MALL: variants seen among roughly 807,000 people sequenced by gnomAD.
MALL encodes the protein MAL-like protein.
A neutral mutation model predicts 10.3 loss-of-function variants in MALL; 2 were observed. That is an observed-to-expected ratio of 0.19 (90% CI 0.08 to 0.61). The LOEUF (loss-of-function observed/expected upper bound fraction) is 0.61, where lower values mean the gene tolerates loss of function less well. MALL is among the 20% of genes least tolerant of loss of function. The pLI is 0.88. For missense variants in MALL, 39 were observed against 115.2 expected, an observed-to-expected ratio of 0.34 and a Z score of 3.03; for synonymous variants, 27 against 51.8, an observed-to-expected ratio of 0.52 and a Z score of 2.05.
chr2:110,101,178 C>T (rs914498784), intron 1 of MALL, among the ~76,000 whole-genome samples: 4 of 152,120 alleles, frequency 2.6e-5, no homozygotes, highest in Non-Finnish European at 5.9e-5. Context: ...CTCCTTTGTG[C>T]TTCGAATACA....
At chr2:110,104,182 A>G (rs1441007503) in intron 1 of MALL, among the ~76,000 whole-genome samples, 2 of 152,120 alleles carry the variant, frequency 1.3e-5, no homozygotes, top group African/African-American at 4.8e-5. Flanking sequence ...GAGCATCAGC[A>G]TCGCTGCCCC....
At chr2:110,097,354 C>T (rs1678467150) in intron 1 of MALL, 1 of 414,246 alleles carries the variant, frequency 2.4e-6, no homozygotes, top group African/African-American at 2.1e-5. Flanking sequence ...GAATGTAGGA[C>T]CCTGTTCACG....
chr2:110,115,737 C>A lies in MALL; in HGVS notation c.56G>T (p.Gly19Val). The change falls in exon 1 of 4, where the codon GGG becomes GTG. Residue 19 changes from glycine to valine, a missense_variant. Around this residue, in one of 2 missense-constraint regions of MALL, gnomAD observed 39 missense variants for 48.0 expected, o/e 0.81. Transcript: ENST00000272462. The stretch of plus-strand genomic sequence containing the variant: ...AGGGATGGTGAGGAACAGCGCGACC[C>A]CCGAGGGCACGTCGGACGGGGCGTA... ...TSYAPSDVPS[G>V]VALFLTIPFA... The A allele has an allele frequency of 7.7e-7, 1 of 1,292,338 alleles. No homozygotes were observed. Among genetic ancestry groups the A allele is most frequent in the Non-Finnish European group, 9.9e-7 (1 of 1,012,634 alleles). The allele number at this position is 1,292,338 out of a possible 1,614,324, so 80.1% of individuals were successfully genotyped here. A position where few individuals can be genotyped will look rare whatever the true frequency, so the allele number is the denominator to read the frequency against.
intron 1 of MALL, among the ~76,000 whole-genome samples, chr2:110,103,177 A>G (rs1678610715): frequency 6.6e-6 from 1 of 152,126 alleles, no homozygotes; most frequent in Admixed American, 6.5e-5. Context: ...GTTTGTGGCC[A>G]GGGGACAGGA....
intron 1 of MALL, among the ~76,000 whole-genome samples, chr2:110,104,151 G>A (rs931593574): frequency 3.3e-5 from 5 of 152,166 alleles, no homozygotes; most frequent in African/African-American, 1.2e-4. Context: ...GCAAGACAGA[G>A]ACAGCTTCAT....
intron 1 of MALL, among the ~76,000 whole-genome samples, chr2:110,114,931 A>G (rs1221573054): frequency 1.3e-5 from 2 of 152,002 alleles, no homozygotes; most frequent in African/African-American, 4.8e-5. Context: ...TTCCGAGGGA[A>G]CTTGTGCAGT....
upstream of MALL, chr2:110,116,132 T>C (rs1574039956): frequency 1.3e-5 from 3 of 234,174 alleles, no homozygotes; most frequent in African/African-American, 6.8e-5. Flanking sequence ...GGGCCCAGAG[T>C]GTAGGCCCAA....
chr2:110,106,378 G>T (rs1678696551), intron 1 of MALL, among the ~76,000 whole-genome samples: 5 of 152,038 alleles, frequency 3.3e-5, no homozygotes, highest in Admixed American at 3.3e-4. Flanking sequence ...GCAGGGCACG[G>T]GTGTGAGCCG....
intron 1 of MALL, among the ~76,000 whole-genome samples, chr2:110,104,555 C>T (rs983325825): frequency 6.6e-6 from 1 of 152,146 alleles, no homozygotes; most frequent in East Asian, 1.9e-4. Flanking sequence ...TCTTTATGTA[C>T]CCTGACTTTA....
intron 1 of MALL, among the ~76,000 whole-genome samples, chr2:110,098,140 C>T (rs775138004): frequency 6.6e-6 from 1 of 151,794 alleles, no homozygotes; most frequent in Non-Finnish European, 1.5e-5. Flanking sequence ...CTCGCATTCA[C>T]GTATGCAGAG....
chr2:110,107,031 T>A (rs1194837379), intron 1 of MALL, among the ~76,000 whole-genome samples: 1 of 148,810 alleles, frequency 6.7e-6, no homozygotes, highest in East Asian at 2.0e-4. Flanking sequence ...ATTGTAGGAA[T>A]GAAATTTGTG....
At chr2:110,096,710 TACAC>T (rs61332655) in intron 1 of MALL, among the ~76,000 whole-genome samples, 8,918 of 140,880 alleles carry the variant, frequency 0.063, 335 homozygotes, top group South Asian at 0.11. Flanking sequence ...AAAATGTACC[TACAC>T]ACACACACAC....
chr2:110,108,786 A>C (rs1436930882), intron 1 of MALL, among the ~76,000 whole-genome samples: 1 of 152,220 alleles, frequency 6.6e-6, no homozygotes, highest in Non-Finnish European at 1.5e-5. Flanking sequence ...AAGAGCTGTG[A>C]GACAAAAGCA....
intron 1 of MALL, among the ~76,000 whole-genome samples, chr2:110,114,475 G>A (rs754527183): frequency 2.6e-5 from 4 of 151,774 alleles, no homozygotes; most frequent in Non-Finnish European, 5.9e-5. Context: ...GCACACCCAG[G>A]GCCTGGCACG....
At chr2:110,110,398 C>T (rs1444079252) in intron 1 of MALL, among the ~76,000 whole-genome samples, 1 of 152,024 alleles carries the variant, frequency 6.6e-6, no homozygotes. Context: ...TTACAACTGA[C>T]ACCACCAAAA....
chr2:110,118,127 G>C (rs1678959515), upstream of MALL, among the ~76,000 whole-genome samples: 1 of 150,592 alleles, frequency 6.6e-6, no homozygotes, highest in Admixed American at 6.6e-5. Context: ...GTCCAGGGCT[G>C]TTAATTGCAT....
Position 110,115,716 on chromosome 2 carries a change from A to C in MALL, c.77T>G (p.Ile26Ser), listed in dbSNP as rs762996235. ...VPSGVALFLT[I>S]PFAFFLPELI... Reference sequence around the variant, plus strand: ...CTCGGGCAGGAAGAAGGCGAAAGGGATGGTGAGGAACAGCGCGACCCCCGA... The same window carrying C: ...CTCGGGCAGGAAGAAGGCGAAAGGGCTGGTGAGGAACAGCGCGACCCCCGA... The change falls in exon 1 of 4, where the codon ATC becomes AGC. Residue 26 changes from isoleucine (I) to serine (S), a missense_variant. By Grantham distance (142) the Ile-to-Ser change is moderately radical (BLOSUM62 -2). Transcript: ENST00000272462. 4 of 1,290,716 alleles carry C rather than the reference A, an allele frequency of 3.1e-6. No homozygotes were observed. The African/African-American group carries it at 6.1e-5, about 20-fold the overall frequency. 80.0% of individuals were successfully genotyped at this position (1,290,716 alleles called of 1,614,324 possible). A position where few individuals can be genotyped will look rare whatever the true frequency, so the allele number is the denominator to read the frequency against.
At chr2:110,099,508 TAG>T (rs1358124086) in intron 1 of MALL, among the ~76,000 whole-genome samples, 1 of 152,194 alleles carries the variant, frequency 6.6e-6, no homozygotes, top group Non-Finnish European at 1.5e-5. Flanking sequence ...TCAGGGTATG[TAG>T]AGTGTTCTAG....
At chr2:110,098,197 T>A (rs1244859198) in intron 1 of MALL, among the ~76,000 whole-genome samples, 1 of 151,622 alleles carries the variant, frequency 6.6e-6, no homozygotes, top group Non-Finnish European at 1.5e-5. Flanking sequence ...GATACCTCTC[T>A]CTCTTTTTAA....
Sources: allele counts gnomAD v4.1 joint callset (sites outside exome capture counted in the v4.1 genomes callset), GRCh38; gene constraint gnomAD v4.1.1; regional missense constraint gnomAD v4.1.1; transcripts MANE v1.5; gene names NCBI Gene and HGNC (gene_info 2026-07-23, HGNC 2026-07-21).